Variants in MSRA observed in about 807,000 individuals in gnomAD.
The protein encoded by MSRA is mitochondrial peptide methionine sulfoxide reductase.
In MSRA, 54 loss-of-function variants were observed where a neutral mutation model predicts 31.3. The ratio of observed to expected loss-of-function variants is 1.73; its 90% confidence interval spans 1.39 to 2.17. The LOEUF is 2.17. MSRA is among the 30% of genes most tolerant of loss of function. The pLI is 0.00. For synonymous variants in MSRA, 169 were observed against 116.5 expected (o/e 1.45, Z -2.90); for missense variants, 507 against 300.9 (o/e 1.69, Z -5.07).
At chr8:10,299,327 A>G (rs1800717330) in intron 3 of MSRA, among the ~76,000 whole-genome samples, 1 of 152,112 alleles carries the variant, frequency 6.6e-6, no homozygotes, top group South Asian at 2.1e-4. Context: ...ATATTCAGAG[A>G]TTTTTAATGC....
intron 5 of MSRA, among the ~76,000 whole-genome samples, chr8:10,406,597 G>A (rs895215469): frequency 3.9e-5 from 6 of 152,180 alleles, no homozygotes; most frequent in African/African-American, 1.2e-4. Context: ...TATTGGAGGC[G>A]TCTCCTTGGT....
chr8:10,169,649 A>G (rs941497449), intron 1 of MSRA, among the ~76,000 whole-genome samples: 1 of 152,234 alleles, frequency 6.6e-6, no homozygotes, highest in South Asian at 2.1e-4. Context: ...TTATTCAAAA[A>G]CATTGTTCAG....
chr8:10,414,745 G>C (rs1020084706), intron 5 of MSRA, among the ~76,000 whole-genome samples: 7 of 152,204 alleles, frequency 4.6e-5, no homozygotes, highest in Non-Finnish European at 8.8e-5. Context: ...TCATCCCCAA[G>C]GTGAAACCTG....
chr8:10,412,989 G>A (rs1011089063), intron 5 of MSRA, among the ~76,000 whole-genome samples: 1 of 152,166 alleles, frequency 6.6e-6, no homozygotes, highest in African/African-American at 2.4e-5. Flanking sequence ...TTTTACCTAC[G>A]AGAAATAAGA....
chr8:10,370,575 T>A (rs1805419168), intron 5 of MSRA, among the ~76,000 whole-genome samples: 1 of 152,236 alleles, frequency 6.6e-6, no homozygotes, highest in Non-Finnish European at 1.5e-5. Context: ...TCCCTTGAAC[T>A]GTGAGTACGG....
At position 10,392,890 on chromosome 8, in the gene MSRA, C is replaced by CAAAAAAAAAAAAAAAAAAAAAAA. The variant is rs869085304; in HGVS notation, c.544-35236_544-35235insAAAAAAAAAAAAAAAAAAAAAAA. Among the ~76,000 whole-genome samples the CAAAAAAAAAAAAAAAAAAAAAAA allele has an allele frequency of 1.8e-5, 2 of 113,282 alleles. 1 individual carries two copies. The allele number at this position is 113,282 out of a possible 152,430, so 74.3% of individuals were successfully genotyped here. A position where few individuals can be genotyped will look rare whatever the true frequency, so the allele number is the denominator to read the frequency against. ...TAAAACCCCGTCTCTACTAAAAATG[C>CAAAAAAAAAAAAAAAAAAAAAAA]AAAAAAAAAAAAAAAAAAAAAATTA... On this transcript the variant is annotated intron_variant, in intron 5 of 5. Coordinates refer to ENST00000317173, the MANE Select transcript of MSRA (RefSeq NM_012331.5).
intron 1 of MSRA, among the ~76,000 whole-genome samples, chr8:10,168,486 A>G (rs963693237): frequency 6.6e-6 from 1 of 152,354 alleles, no homozygotes; most frequent in South Asian, 2.1e-4. Flanking sequence ...ATAAAATTTT[A>G]GTGTATAAAT....
intron 2 of MSRA, among the ~76,000 whole-genome samples, chr8:10,217,341 C>G (rs4383976): frequency 0.15 from 23,245 of 152,174 alleles, 1,988 homozygotes; most frequent in East Asian, 0.27. Flanking sequence ...GCTCGTGACC[C>G]TCTCCCCACA....
At chr8:10,137,200 G>T (rs764057555) in intron 1 of MSRA, among the ~76,000 whole-genome samples, 3 of 152,140 alleles carry the variant, frequency 2.0e-5, no homozygotes, top group Non-Finnish European at 4.4e-5. Context: ...TTATTTTGAC[G>T]TGAGTTTTCA....
chr8:10,374,760 T>G (rs888434081), intron 5 of MSRA, among the ~76,000 whole-genome samples: 1 of 152,208 alleles, frequency 6.6e-6, no homozygotes. Flanking sequence ...GTTTGGATGT[T>G]TTGTCCCCTC....
chr8:10,343,582 T>C (rs1391865001), intron 5 of MSRA, among the ~76,000 whole-genome samples: 1 of 152,164 alleles, frequency 6.6e-6, no homozygotes, highest in Non-Finnish European at 1.5e-5. Flanking sequence ...CCTACATCAG[T>C]TCATGGGAGA....
At chr8:10,236,032 T>A (rs1811905021) in intron 2 of MSRA, among the ~76,000 whole-genome samples, 1 of 152,144 alleles carries the variant, frequency 6.6e-6, no homozygotes. Context: ...AGGGAGAACA[T>A]ATGATCATCT....
In MSRA at chr8:10,327,206, C is replaced by T. The variant is rs575372856; in HGVS notation, c.543+7217C>T. Among the ~76,000 whole-genome samples the T allele has an allele frequency of 5.3e-5, 8 of 152,242 alleles. No homozygotes were observed. The South Asian group carries it at 1.7e-3, about 32-fold the overall frequency. On this transcript the variant is annotated intron_variant, in intron 5 of 5. Transcript: ENST00000317173. The stretch of plus-strand genomic sequence containing the variant: ...TACCCACTGTGTTTCAAATATAAAA[C>T]AGTGTTTTAAAGGCTGTATCTATCC...
intron 5 of MSRA, among the ~76,000 whole-genome samples, chr8:10,348,493 C>A (rs553178524): frequency 3.8e-4 from 57 of 149,324 alleles, no homozygotes; most frequent in Non-Finnish European, 6.5e-4. Flanking sequence ...CCTCAGCCTT[C>A]CAAGTAGCCG....
At position 10,059,431 on chromosome 8, in the gene MSRA, C is replaced by T. The variant is rs896909971; in HGVS notation, c.142+4773C>T. Among the ~76,000 whole-genome samples the T allele has an allele frequency of 3.2e-4, 49 of 152,184 alleles. 1 individual carries two copies. The highest frequency in any genetic ancestry group is 3.2e-3 in the Admixed American group (49 of 15,282). ...CATACATTGCTAATAAGTAGTGGAGCTGGGATATGAACGTAGTCAGTTTGG... is the reference window on the plus strand; with the variant it reads ...CATACATTGCTAATAAGTAGTGGAGTTGGGATATGAACGTAGTCAGTTTGG... On this transcript the variant is annotated intron_variant, in intron 1 of 5. Transcript: ENST00000317173.
intron 5 of MSRA, among the ~76,000 whole-genome samples, chr8:10,330,164 C>T (rs1376540956): frequency 6.9e-6 from 1 of 144,762 alleles, no homozygotes; most frequent in Non-Finnish European, 1.5e-5. Context: ...GTGTGGATAA[C>T]AAAATTTCCC....
chr8:10,387,118 G>A (rs1388450202), intron 5 of MSRA, among the ~76,000 whole-genome samples: 2 of 152,102 alleles, frequency 1.3e-5, no homozygotes, highest in Admixed American at 1.3e-4. Flanking sequence ...CTGCCTGCAC[G>A]GCTCGACCAC....
intron 5 of MSRA, among the ~76,000 whole-genome samples, chr8:10,323,875 A>G (rs1476641821): frequency 6.6e-6 from 1 of 152,062 alleles, no homozygotes; most frequent in East Asian, 1.9e-4. Context: ...CTGTGCCTTT[A>G]GTATCCCGAT....
At chr8:10,316,529 TC>T (rs1222845832) in intron 4 of MSRA, among the ~76,000 whole-genome samples, 6 of 18,550 alleles carry the variant, frequency 3.2e-4, no homozygotes. Flanking sequence ...TGATGATCCC[TC>T]TCTCTCTCTC....
Sources: gnomAD v4.1 joint callset for allele counts (sites outside exome capture counted in the v4.1 genomes callset) on GRCh38, gnomAD v4.1.1 for gene constraint, MANE v1.5 for transcripts, NCBI Gene and HGNC (gene_info 2026-07-23, HGNC 2026-07-21) for gene names.